Variants in LAMA1 observed in about 807,000 individuals in gnomAD.
LAMA1 encodes the protein laminin subunit alpha 1.
In LAMA1, 219 loss-of-function variants were observed where a neutral mutation model predicts 348.7. The ratio of observed to expected loss-of-function variants is 0.63; its 90% CI spans 0.56 to 0.70. LAMA1 has a LOEUF of 0.70. Ranked by LOEUF, LAMA1 falls within the 30% of genes least tolerant of loss-of-function variation. The probability of loss-of-function intolerance (pLI) is 0.00; values close to 1 mark genes in which losing one functional copy is unlikely to be tolerated. For synonymous variants in LAMA1, 1,487 were observed against 1,491.0 expected (o/e 1.00, Z 0.06); for missense variants, 3,744 against 3,888.0 (o/e 0.96, Z 0.99).
Position 7,034,458 on chromosome 18 carries a change from TC to T in LAMA1, c.2051+20del. On this transcript the variant is annotated intron_variant, in intron 14 of 62. Transcript: ENST00000389658. ...TGGAAGTACCTTCACCGTAAGTTTT[TC>T]CTCCATTTTCAATACATACCTGTAA... 6.3e-7 allele frequency: 1 copy of T among 1,583,590 alleles called. No homozygotes were observed. Among genetic ancestry groups the T allele is most frequent in the South Asian group, 1.1e-5 (1 of 90,312 alleles).
intron 16 of LAMA1, among the ~76,000 whole-genome samples, chr18:7,031,031 G>C (rs1343282000): frequency 6.6e-6 from 1 of 152,100 alleles, no homozygotes; most frequent in African/African-American, 2.4e-5. Flanking sequence ...ACAGAACAAA[G>C]GGCAAAACAA....
At chr18:7,058,885 T>A (rs182823236) in intron 3 of LAMA1, among the ~76,000 whole-genome samples, 1 of 152,280 alleles carries the variant, frequency 6.6e-6, no homozygotes, top group African/African-American at 2.4e-5. Context: ...TCTGTTAGTA[T>A]GTAGATTTTT....
At chr18:6,969,933 T>C (rs2057650678) in intron 48 of LAMA1, among the ~76,000 whole-genome samples, 1 of 152,216 alleles carries the variant, frequency 6.6e-6, no homozygotes, top group African/African-American at 2.4e-5. Flanking sequence ...AAATGACTGA[T>C]GAAAATAGAG....
intron 4 of LAMA1, among the ~76,000 whole-genome samples, chr18:7,049,499 T>C (rs1268659181): frequency 6.6e-6 from 1 of 152,046 alleles, no homozygotes; most frequent in Admixed American, 6.6e-5. Context: ...AGGGTTTCAC[T>C]ATATTCACCA....
chr18:7,106,362 ATTT>A (rs397690964), intron 1 of LAMA1, among the ~76,000 whole-genome samples: 1 of 139,900 alleles, frequency 7.1e-6, no homozygotes, highest in East Asian at 2.1e-4. Flanking sequence ...CCTGGGAAGC[ATTT>A]TTTTTTTTTT....
intron 3 of LAMA1, among the ~76,000 whole-genome samples, chr18:7,066,713 A>T (rs2058124284): frequency 1.3e-5 from 2 of 152,226 alleles, no homozygotes; most frequent in African/African-American, 4.8e-5. Flanking sequence ...AGCATAGGAC[A>T]AAAAAGAAAA....
chr18:7,004,120 T>C (rs915010345), intron 29 of LAMA1, among the ~76,000 whole-genome samples: 9 of 152,290 alleles, frequency 5.9e-5, no homozygotes, highest in Admixed American at 5.9e-4. Flanking sequence ...AAAGACAAGC[T>C]GCCCCAAGAG....
chr18:6,947,452 C>A (rs974246040), intron 60 of LAMA1, among the ~76,000 whole-genome samples, 156 bp from the exon 61 acceptor site: 2 of 152,164 alleles, frequency 1.3e-5, no homozygotes, highest in African/African-American at 4.8e-5. Flanking sequence ...CTCTGAGCCT[C>A]GGCTTCCACA....
Position 7,017,385 on chromosome 18 carries a change from C to A in LAMA1, c.2702-1G>T, listed in dbSNP as rs761717721. ...GAGCCTTTCACATGGCATTCACAGG[C>A]TAAACACATGCACACAAAGACATAT... On this transcript the variant is annotated splice_acceptor_variant, in intron 19 of 62. Transcript: ENST00000389658. LOFTEE classifies it high-confidence loss of function. The A allele has an allele frequency of 6.2e-7, 1 of 1,609,196 alleles. No homozygotes were observed. The highest frequency in any genetic ancestry group is 8.5e-7 in the Non-Finnish European group (1 of 1,176,066).
At chr18:6,956,460 G>A in intron 56 of LAMA1, 176 bp downstream of exon 56, 1 of 1,014,744 alleles carries the variant, frequency 9.9e-7, no homozygotes, top group East Asian at 2.4e-5. Context: ...CATCTGAGTT[G>A]CTTGAGGCAC....
chr18:7,106,340 A>G (rs537460455), intron 1 of LAMA1, among the ~76,000 whole-genome samples: 166 of 151,482 alleles, frequency 1.1e-3, no homozygotes, highest in African/African-American at 4.0e-3. Context: ...CCCTGGCTGC[A>G]CAGTGGAATC....
At chr18:7,045,054 C>T (rs1378806884) in intron 6 of LAMA1, among the ~76,000 whole-genome samples, 1 of 151,872 alleles carries the variant, frequency 6.6e-6, no homozygotes, top group Non-Finnish European at 1.5e-5. Context: ...TAAAGCAAAA[C>T]CAGAATACGA....
intron 56 of LAMA1, 196 bp from the exon 57 acceptor site, chr18:6,955,661 C>A (rs1226716826): frequency 2.9e-6 from 2 of 681,586 alleles, no homozygotes; most frequent in Non-Finnish European, 5.4e-6. Context: ...GAAGAAAGCA[C>A]TTAGAGCTTC....
At chr18:7,056,004 C>T (rs773889622) in intron 3 of LAMA1, among the ~76,000 whole-genome samples, 20 of 151,426 alleles carry the variant, frequency 1.3e-4, no homozygotes, top group Non-Finnish European at 2.8e-4. Context: ...GGCGTGAACC[C>T]GGGAGGCAGA....
intron 29 of LAMA1, among the ~76,000 whole-genome samples, chr18:7,002,915 G>C (rs1178781413): frequency 1.3e-5 from 2 of 151,140 alleles, no homozygotes; most frequent in Admixed American, 1.3e-4. Flanking sequence ...AGGTCTCCCT[G>C]TGTTGCCCAG....
chr18:7,098,828 C>T (rs1448909502), intron 1 of LAMA1, among the ~76,000 whole-genome samples: 5 of 130,600 alleles, frequency 3.8e-5, no homozygotes, highest in Non-Finnish European at 8.4e-5. Flanking sequence ...GCCACCGCCC[C>T]GTCCGGGAGG....
chr18:7,105,905 T>C (rs1303299251), intron 1 of LAMA1, among the ~76,000 whole-genome samples: 2 of 152,214 alleles, frequency 1.3e-5, no homozygotes, highest in Non-Finnish European at 2.9e-5. Context: ...GAAACCCATT[T>C]AAACACAAGT....
chr18:7,027,437 C>A (rs1018670083), intron 16 of LAMA1, among the ~76,000 whole-genome samples: 2 of 151,794 alleles, frequency 1.3e-5, no homozygotes, highest in Non-Finnish European at 2.9e-5. Context: ...TTCTACGTAC[C>A]ACTCTTATTC....
chr18:6,959,371 G>C lies in LAMA1; in HGVS notation c.7748C>G (p.Ala2583Gly), dbSNP rs141247075. The C allele has an allele frequency of 3.2e-5, 51 of 1,614,012 alleles. No individual in the cohort carries two copies. The highest frequency in any genetic ancestry group is 4.0e-5 in the Non-Finnish European group (47 of 1,180,046). ...ATTCCTGACCAAGGAGATGGAATGC[G>C]CTTGTCCATCACTGCAGGTACCCGT... ...APTGTCSDGQ[A>G]HSISLVRNRR... The change falls in exon 54 of 63, where the codon GCG becomes GGG. Residue 2583 changes from alanine (A) to glycine (G), a missense_variant. Ala to Gly is a moderately conservative substitution (Grantham distance 60). This residue lies in a region of LAMA1 where 1,983 missense variants were observed against 1,934.3 expected (regional missense o/e 1.03). Coordinates refer to ENST00000389658, the MANE Select transcript of LAMA1 (RefSeq NM_005559.4).
Sources: gnomAD v4.1 joint callset for allele counts (sites outside exome capture counted in the v4.1 genomes callset) on GRCh38, gnomAD v4.1.1 for gene constraint, gnomAD v4.1.1 regional missense constraint, MANE v1.5 for transcripts, NCBI Gene and HGNC (gene_info 2026-07-23, HGNC 2026-07-21) for gene names.